HEPACAM2: variants seen among roughly 807,000 people sequenced by gnomAD.
HEPACAM2 encodes HEPACAM family member 2, also known as mitotic kinetics regulator.
A neutral mutation model predicts 49.6 loss-of-function variants in HEPACAM2; 49 were observed. The ratio of observed to expected loss-of-function variants is 0.99; its 90% confidence interval spans 0.78 to 1.25. HEPACAM2 has a LOEUF of 1.25. Ranked by LOEUF, HEPACAM2 falls within the 50% of genes most tolerant of loss-of-function variation. HEPACAM2 has a pLI of 0.00. For synonymous variants in HEPACAM2, 197 were observed against 202.9 expected (o/e 0.97, Z 0.25); for missense variants, 525 against 557.2 (o/e 0.94, Z 0.58).
intron 3 of HEPACAM2, among the ~76,000 whole-genome samples, 165 bp from the exon 4 acceptor site, chr7:93,209,041 A>G (rs1036637009): frequency 1.3e-5 from 2 of 152,044 alleles, no homozygotes; most frequent in Admixed American, 1.3e-4. Flanking sequence ...GGACCTAAAT[A>G]TGTTTTATTC....
intron 4 of HEPACAM2, among the ~76,000 whole-genome samples, chr7:93,203,327 T>A (rs1793942738): frequency 2.0e-5 from 3 of 152,116 alleles, no homozygotes; most frequent in African/African-American, 2.4e-5. Context: ...ACACAAAAAG[T>A]GCCAAATATG....
chr7:93,202,032 CAAAAAA>C (rs71998232), intron 4 of HEPACAM2, among the ~76,000 whole-genome samples: 1 of 102,008 alleles, frequency 9.8e-6, no homozygotes, highest in East Asian at 2.8e-4. Context: ...AAAAAAAAAC[CAAAAAA>C]AAAAAAAAAA....
At chr7:93,197,679 C>T (rs983335001) in intron 4 of HEPACAM2, 69 bp from the exon 5 acceptor site, 88 of 1,129,178 alleles carry the variant, frequency 7.8e-5, no homozygotes, top group Non-Finnish European at 1.0e-4. Context: ...TTTTAAATGC[C>T]GTATTTTAAA....
Position 93,197,695 on chromosome 7 carries a change from C to T in HEPACAM2, c.1013-85G>A, listed in dbSNP as rs963203192. On this transcript the variant is annotated intron_variant, in intron 4 of 9. Coordinates refer to ENST00000394468, the MANE Select transcript of HEPACAM2 (RefSeq NM_001039372.4). ...TTTAAATGCCGTATTTTAAATGAGACGCTATTGAAAAAAATATATAAACAC... is the reference window on the plus strand; with the variant it reads ...TTTAAATGCCGTATTTTAAATGAGATGCTATTGAAAAAAATATATAAACAC... 37 of 944,568 alleles carry T rather than the reference C, an allele frequency of 3.9e-5. 2 individuals are homozygous for T. Among genetic ancestry groups the T allele is most frequent in the South Asian group, 3.1e-4 (15 of 47,624 alleles). The allele number at this position is 944,568 out of a possible 1,614,324, so 58.5% of individuals were successfully genotyped here.
At chr7:93,204,497 T>G (rs1793979739) in intron 4 of HEPACAM2, among the ~76,000 whole-genome samples, 1 of 152,150 alleles carries the variant, frequency 6.6e-6, no homozygotes, top group African/African-American at 2.4e-5. Context: ...AATCTTGTTT[T>G]GCAAAACACA....
At chr7:93,200,122 T>C (rs1217243755) in intron 4 of HEPACAM2, among the ~76,000 whole-genome samples, 2 of 152,072 alleles carry the variant, frequency 1.3e-5, no homozygotes, top group Admixed American at 1.3e-4. Context: ...TTATTTCAAC[T>C]AGGTGAGGCA....
chr7:93,219,375 G>A lies in HEPACAM2; in HGVS notation c.156C>T (p.Pro52=), dbSNP rs150604467. 4.0e-5 allele frequency: 65 copies of A among 1,613,864 alleles called. No individual in the cohort carries two copies. The highest frequency in any genetic ancestry group is 5.3e-5 in the Non-Finnish European group (63 of 1,179,950). Reference sequence around the variant, plus strand: ...CTGGAGTGTGGAAGCCATAGTGGACGGGTAGGTAGAGGGCCTGACCTCTGA... The same window carrying A: ...CTGGAGTGTGGAAGCCATAGTGGACAGGTAGGTAGAGGGCCTGACCTCTGA... ...HGVRGQALYL[P]VHYGFHTPAS... The change falls in exon 2 of 10, where the codon CCC becomes CCT. Residue 52 remains proline (P), a synonymous_variant. Coordinates refer to ENST00000394468, the MANE Select transcript of HEPACAM2 (RefSeq NM_001039372.4).
intron 2 of HEPACAM2, among the ~76,000 whole-genome samples, chr7:93,217,458 A>C (rs1007313333): frequency 1.3e-5 from 2 of 152,192 alleles, no homozygotes; most frequent in Admixed American, 6.5e-5. Flanking sequence ...TTCACAAGAA[A>C]GGATTCTATT....
At chr7:93,222,183 TGG>T (rs1205735328) in intron 1 of HEPACAM2, among the ~76,000 whole-genome samples, 1 of 152,152 alleles carries the variant, frequency 6.6e-6, no homozygotes, top group Non-Finnish European at 1.5e-5. Context: ...GGCCTTTGGA[TGG>T]GAGATCAGCA....
At position 93,208,762 on chromosome 7, in the gene HEPACAM2, G is replaced by T. The variant is rs148203128; in HGVS notation, c.830C>A (p.Pro277His). Residue 277 changes from proline (P) to histidine (H), a missense_variant, in exon 4 of 10, where the codon CCC becomes CAC. Coordinates refer to ENST00000394468, the MANE Select transcript of HEPACAM2 (RefSeq NM_001039372.4). ...CCTCCTAATCCAGGAGTAGGTGTTGGGGGGATGAGAATCAGCAGAACAATC... is the reference window on the plus strand; with the variant it reads ...CCTCCTAATCCAGGAGTAGGTGTTGTGGGGATGAGAATCAGCAGAACAATC... ...LFDCSADSHP[P>H]NTYSWIRRTD... 1.2e-6 allele frequency: 2 copies of T among 1,613,108 alleles called. No individual in the cohort carries two copies. Among genetic ancestry groups the T allele is most frequent in the Non-Finnish European group, 1.7e-6 (2 of 1,179,400 alleles).
At chr7:93,217,372 T>C (rs1399437114) in intron 2 of HEPACAM2, among the ~76,000 whole-genome samples, 2 of 152,146 alleles carry the variant, frequency 1.3e-5, no homozygotes, top group Non-Finnish European at 2.9e-5. Context: ...AATTTTGGCA[T>C]GGGGCCTAAA....
chr7:93,196,511 G>A (rs1297201116), intron 7 of HEPACAM2, among the ~76,000 whole-genome samples: 1 of 152,054 alleles, frequency 6.6e-6, no homozygotes, highest in African/African-American at 2.4e-5. Context: ...TAGAAAAGAG[G>A]AAGAAGGCCC....
At position 93,189,187 on chromosome 7, in the gene HEPACAM2, A is replaced by G. The variant is rs2116613633; in HGVS notation, c.*80T>C. The G allele has an allele frequency of 8.1e-7, 1 of 1,239,352 alleles. No individual in the cohort carries two copies. Among genetic ancestry groups the G allele is most frequent in the Non-Finnish European group, 1.2e-6 (1 of 850,640 alleles). 76.8% of individuals were successfully genotyped at this position (1,239,352 alleles called of 1,614,324 possible). A position where few individuals can be genotyped will look rare whatever the true frequency, so the allele number is the denominator to read the frequency against. On this transcript the variant is annotated 3_prime_UTR_variant, in exon 10 of 10. Transcript: ENST00000394468. Reference sequence around the variant, plus strand: ...GTCTTGGTTTCTTCACTGATTCCAGATTAATATACTTTTCCACTGTTTTTC... The same window carrying G: ...GTCTTGGTTTCTTCACTGATTCCAGGTTAATATACTTTTCCACTGTTTTTC...
chr7:93,194,201 AATTGAGTAGTG>A (rs1267089925), intron 8 of HEPACAM2, among the ~76,000 whole-genome samples: 2 of 152,132 alleles, frequency 1.3e-5, no homozygotes, highest in Non-Finnish European at 2.9e-5. Context: ...AAAACTCCAA[AATTGAGTAGTG>A]ATTAATCACA....
chr7:93,199,420 G>T (rs565161342), intron 4 of HEPACAM2, among the ~76,000 whole-genome samples: 3 of 152,014 alleles, frequency 2.0e-5, no homozygotes, highest in Admixed American at 6.6e-5. Flanking sequence ...TTTTAGTTTG[G>T]AACCACTTTG....
At chr7:93,216,354 C>T (rs768448083) in intron 2 of HEPACAM2, among the ~76,000 whole-genome samples, 4 of 152,056 alleles carry the variant, frequency 2.6e-5, no homozygotes, top group Non-Finnish European at 4.4e-5. Context: ...AAAATATATT[C>T]TTGGGCTTTT....
chr7:93,208,305 A>C (rs914355232), intron 4 of HEPACAM2, among the ~76,000 whole-genome samples: 1 of 152,048 alleles, frequency 6.6e-6, no homozygotes, highest in Non-Finnish European at 1.5e-5. Context: ...TAAAACTAGG[A>C]AAGTAAGAGT....
In HEPACAM2 at chr7:93,188,872, TAA is replaced by T; in HGVS notation, c.*393_*394del. ...AAGTCTGCTGAAAAATCGAACAATG[TAA>T]AGTTTCCACATTTGTAGGTGAGACA... is the stretch of plus-strand genomic sequence containing the variant. On this transcript the variant is annotated 3_prime_UTR_variant, in exon 10 of 10. Transcript: ENST00000394468. The T allele has an allele frequency of 2.5e-6, 1 of 394,814 alleles. No individual in the cohort carries two copies. Among genetic ancestry groups the T allele is most frequent in the Non-Finnish European group, 4.5e-6 (1 of 223,566 alleles). 24.5% of individuals were successfully genotyped at this position (394,814 alleles called of 1,614,324 possible).
intron 7 of HEPACAM2, 108 bp downstream of exon 7, chr7:93,197,133 A>C: frequency 1.4e-6 from 1 of 738,178 alleles, no homozygotes; most frequent in Non-Finnish European, 1.9e-6. Context: ...CTGTTATATT[A>C]ATTTTAGCTC....
Sources: allele counts gnomAD v4.1 joint callset (sites outside exome capture counted in the v4.1 genomes callset), GRCh38; gene constraint gnomAD v4.1.1; transcripts MANE v1.5; gene names NCBI Gene and HGNC (gene_info 2026-07-23, HGNC 2026-07-21).